MYH10: variants seen among roughly 807,000 people sequenced by gnomAD.
The protein encoded by MYH10 is myosin-10.
In MYH10, 55 loss-of-function variants were observed where a neutral mutation model predicts 257.8. That is an observed-to-expected ratio of 0.21 (90% CI 0.17 to 0.27). The LOEUF is 0.27. MYH10 is among the 10% of genes least tolerant of loss of function. The pLI, the probability that MYH10 is intolerant of heterozygous loss-of-function variation, is 1.00. For synonymous variants in MYH10, 854 were observed against 921.7 expected (o/e 0.93, Z 1.33); for missense variants, 1,631 against 2,500.6 (o/e 0.65, Z 7.42).
At chr17:8,576,050 T>C (rs2083486514) in intron 6 of MYH10, among the ~76,000 whole-genome samples, 2 of 152,210 alleles carry the variant, frequency 1.3e-5, no homozygotes, top group Non-Finnish European at 2.9e-5. Flanking sequence ...TGTGTGATCA[T>C]AGCTCACTGC....
At chr17:8,605,855 T>A (rs1411188352) in intron 2 of MYH10, among the ~76,000 whole-genome samples, 12 of 152,212 alleles carry the variant, frequency 7.9e-5, no homozygotes, top group Non-Finnish European at 1.0e-4. Flanking sequence ...TGACATGTTA[T>A]AAGAAAACAG....
chr17:8,559,418 A>AT lies in MYH10; in HGVS notation c.757-5401_757-5400insA, dbSNP rs2082912724. Among the ~76,000 whole-genome samples the AT allele has an allele frequency of 3.9e-3, 3 of 770 alleles. No homozygotes were observed. The Non-Finnish European group carries it at 0.05, about 13-fold the overall frequency. 0.5% of individuals were successfully genotyped at this position (770 alleles called of 152,430 possible). On this transcript the variant is annotated intron_variant, in intron 7 of 42. Coordinates refer to ENST00000360416, the MANE Select transcript of MYH10 (RefSeq NM_001256012.3). ...AATGCAATATTTGGGGTGATATAATAAATAAATTAAAAGATGAAGCAATAG... is the reference window on the plus strand; with the variant it reads ...AATGCAATATTTGGGGTGATATAATATAATAAATTAAAAGATGAAGCAATAG...
At chr17:8,526,718 G>C (rs535325807) in intron 17 of MYH10, among the ~76,000 whole-genome samples, 1 of 152,144 alleles carries the variant, frequency 6.6e-6, no homozygotes, top group Non-Finnish European at 1.5e-5. Context: ...GCTTGGTACC[G>C]AATCCTTAAC....
At chr17:8,564,964 T>C (rs2083117758) in intron 7 of MYH10, among the ~76,000 whole-genome samples, 1 of 152,176 alleles carries the variant, frequency 6.6e-6, no homozygotes, top group African/African-American at 2.4e-5. Context: ...TTCTAGATGT[T>C]TAACCAACAG....
intron 7 of MYH10, among the ~76,000 whole-genome samples, chr17:8,557,753 A>C (rs1437146043): frequency 6.6e-6 from 1 of 152,230 alleles, no homozygotes; most frequent in East Asian, 1.9e-4. Flanking sequence ...GAACAAAAAA[A>C]CCACTGATGC....
At position 8,504,669 on chromosome 17, in the gene MYH10, GC is replaced by G; in HGVS notation, c.3599+24del. ...GGTGGAGAGGTCGGCAGGCGCCCGG[GC>G]CCTGCTTCCTCTCCCACACTCACCG... On this transcript the variant is annotated intron_variant, in intron 28 of 42. Coordinates refer to ENST00000360416, the MANE Select transcript of MYH10 (RefSeq NM_001256012.3). The surrounding 1 kb of genome is among the most constrained non-coding windows in gnomAD (Gnocchi z 5.6). 2 of 1,605,074 alleles carry G rather than the reference GC, an allele frequency of 1.2e-6. No homozygotes were observed. The highest frequency in any genetic ancestry group is 1.7e-6 in the Non-Finnish European group (2 of 1,173,784).
At chr17:8,498,531 G>A (rs901079137) in intron 30 of MYH10, among the ~76,000 whole-genome samples, 29 of 152,048 alleles carry the variant, frequency 1.9e-4, no homozygotes, top group African/African-American at 7.0e-4. Context: ...CGTGATCTAA[G>A]ACTGCCAAAC....
intron 4 of MYH10, among the ~76,000 whole-genome samples, chr17:8,579,352 G>A (rs1250056825): frequency 1.3e-5 from 2 of 152,056 alleles, no homozygotes; most frequent in South Asian, 4.1e-4. Context: ...AAAAATTACT[G>A]GTTGCATTAT....
chr17:8,539,177 G>T (rs2082225987), intron 14 of MYH10, among the ~76,000 whole-genome samples: 1 of 152,162 alleles, frequency 6.6e-6, no homozygotes, highest in Non-Finnish European at 1.5e-5. Flanking sequence ...TAGACTACAA[G>T]AAATCAATTT....
In MYH10 at chr17:8,477,705, C is replaced by T. The variant is rs535070434; in HGVS notation, c.5706+633G>A. Among the ~76,000 whole-genome samples the T allele has an allele frequency of 2.6e-5, 4 of 152,288 alleles. No homozygotes were observed. Among genetic ancestry groups the T allele is most frequent in the Admixed American group, 1.3e-4 (2 of 15,302 alleles). ...TGAATGAAGTTGGGGAGGGTTCGGG[C>T]CAAAGGCAGTGAAATCCTCAGATCC... On this transcript the variant is annotated intron_variant, in intron 41 of 42. Transcript: ENST00000360416. This position sits in a 1 kb window ranked among gnomAD's most constrained non-coding sequence, Gnocchi z 4.2.
At chr17:8,539,067 C>T (rs916802968) in intron 14 of MYH10, among the ~76,000 whole-genome samples, 3 of 152,186 alleles carry the variant, frequency 2.0e-5, no homozygotes, top group Non-Finnish European at 2.9e-5. Context: ...GCCCCCCCAA[C>T]ATGTGATGCC....
At chr17:8,597,847 T>C (rs755097584) in intron 3 of MYH10, among the ~76,000 whole-genome samples, 53 of 152,082 alleles carry the variant, frequency 3.5e-4, no homozygotes, top group South Asian at 6.2e-4. Context: ...CTCGAACTCC[T>C]GACCTCATGA....
In MYH10 at chr17:8,623,141, C is replaced by T. The variant is rs772359659; in HGVS notation, c.106G>A (p.Val36Met). The change falls in exon 2 of 43, where the codon GTG becomes ATG. Residue 36 changes from valine to methionine, a missense_variant. Coordinates refer to ENST00000360416, the MANE Select transcript of MYH10 (RefSeq NM_001256012.3). The stretch of plus-strand genomic sequence containing the variant: ...CCATGGCGTTCTGATGGAATCCACA[C>T]TAGCTTTTTAGCTGTCCAATCAGCT... ...TQADWTAKKL[V>M]WIPSERHGFE... is the part of the protein sequence containing the mutation. 6.2e-7 allele frequency: 1 copy of T among 1,613,988 alleles called. No individual in the cohort carries two copies. The highest frequency in any genetic ancestry group is 1.3e-5 in the African/African-American group (1 of 75,036).
chr17:8,576,191 C>T (rs1202035537), intron 6 of MYH10, among the ~76,000 whole-genome samples: 3 of 152,150 alleles, frequency 2.0e-5, no homozygotes, highest in Admixed American at 6.5e-5. Flanking sequence ...GTTTAAAACA[C>T]ATACAGGCAT....
intron 3 of MYH10, among the ~76,000 whole-genome samples, chr17:8,601,317 G>A (rs1259491549): frequency 6.6e-6 from 1 of 152,126 alleles, no homozygotes; most frequent in Non-Finnish European, 1.5e-5. Flanking sequence ...CAAGGTAGAG[G>A]CCTCGGTGTT....
chr17:8,629,973 A>AC (rs2085846210), intron 1 of MYH10, among the ~76,000 whole-genome samples: 1 of 151,660 alleles, frequency 6.6e-6, no homozygotes, highest in African/African-American at 2.4e-5. Flanking sequence ...CCGGCCGCGC[A>AC]GAGCCAATGC....
chr17:8,619,989 A>C (rs150039156), intron 2 of MYH10, among the ~76,000 whole-genome samples: 1 of 152,356 alleles, frequency 6.6e-6, no homozygotes, highest in East Asian at 1.9e-4. Flanking sequence ...CTTCATTGAT[A>C]AACCACAATG....
intron 4 of MYH10, among the ~76,000 whole-genome samples, chr17:8,586,352 T>G (rs555685166): frequency 3.9e-5 from 6 of 152,288 alleles, no homozygotes; most frequent in African/African-American, 1.4e-4. Flanking sequence ...TGAACCCAAG[T>G]TGCAAGAGGA....
intron 4 of MYH10, among the ~76,000 whole-genome samples, 159 bp from the exon 5 acceptor site, chr17:8,577,497 C>T (rs1167560940): frequency 6.6e-6 from 1 of 152,214 alleles, no homozygotes; most frequent in Non-Finnish European, 1.5e-5. Context: ...AAAAGAAAAT[C>T]ATCCTTGTAA....
Sources: allele counts gnomAD v4.1 joint callset (sites outside exome capture counted in the v4.1 genomes callset), GRCh38; gene constraint gnomAD v4.1.1; non-coding constraint Gnocchi (gnomAD v3.1); transcripts MANE v1.5; gene names NCBI Gene and HGNC (gene_info 2026-07-23, HGNC 2026-07-21).